Variants in TENM1 observed in about 807,000 individuals in gnomAD.
TENM1 encodes teneurin transmembrane protein 1.
A neutral mutation model predicts 174.8 loss-of-function variants in TENM1; 35 were observed. The ratio of observed to expected loss-of-function variants is 0.20; its 90% confidence interval spans 0.15 to 0.27. The LOEUF (loss-of-function observed/expected upper bound fraction) is 0.27. Among genes scored for constraint, TENM1 ranks in the 10% least tolerant of loss-of-function variants. TENM1 has a pLI of 1.00. For missense variants in TENM1, 1,633 were observed against 2,130.1 expected (o/e 0.77, Z 4.59); for synonymous variants, 781 against 798.7 (o/e 0.98, Z 0.37).
chrX:124,783,397 A>G (rs2054961152), intron 3 of TENM1, among the ~76,000 whole-genome samples: 2 of 112,043 alleles, frequency 1.8e-5, no homozygotes, highest in Admixed American at 9.5e-5. Context: ...TAGTTATTAT[A>G]TAAAAATTGC....
At chrX:125,046,338 C>A in the TENM1 span, among the ~76,000 whole-genome samples, 2 of 112,391 alleles carry the variant, frequency 1.8e-5, no homozygotes, top group Non-Finnish European at 3.8e-5. Context: ...CATGAGATAT[C>A]TTAGATGGCT....
At chrX:124,416,198 G>A (rs967686596) in intron 25 of TENM1, among the ~76,000 whole-genome samples, 7 of 111,198 alleles carry the variant, frequency 6.3e-5, no homozygotes, top group Non-Finnish European at 1.3e-4. Flanking sequence ...ACCACTTCTA[G>A]AACATTTCTA....
At chrX:124,470,712 T>C (rs1405167042) in intron 22 of TENM1, among the ~76,000 whole-genome samples, 1 of 111,108 alleles carries the variant, frequency 9.0e-6, no homozygotes, top group African/African-American at 3.3e-5. Context: ...TTTAGGTTTC[T>C]TCCTTGACTT....
intron 8 of TENM1, 64 bp downstream of exon 11, chrX:124,651,850 C>T (rs2051317279): frequency 6.8e-6 from 8 of 1,172,142 alleles, no homozygotes; most frequent in Non-Finnish European, 9.1e-6. Flanking sequence ...AGGACACTGT[C>T]ATCACTGATT....
intron 6 of TENM1, among the ~76,000 whole-genome samples, chrX:124,668,152 T>C (rs5958553): frequency 0.14 from 15,166 of 111,370 alleles, 2,216 homozygotes; most frequent in African/African-American, 0.44. Context: ...TTGTAGATTC[T>C]GGATATTAGC....
At chrX:124,490,493 T>A (rs944314566) in intron 20 of TENM1, among the ~76,000 whole-genome samples, 1 of 111,933 alleles carries the variant, frequency 8.9e-6, no homozygotes, top group African/African-American at 3.2e-5. Context: ...GCTATTCCAG[T>A]TCTACTCCAT....
At chrX:124,769,270 T>C (rs890589656) in intron 3 of TENM1, among the ~76,000 whole-genome samples, 2 of 111,826 alleles carry the variant, frequency 1.8e-5, no homozygotes, top group Non-Finnish European at 3.8e-5. Flanking sequence ...TATGCTTCTA[T>C]GGGGACTTTA....
At chrX:124,421,811 TA>T (rs2060657097) in intron 24 of TENM1, among the ~76,000 whole-genome samples, 1 of 111,654 alleles carries the variant, frequency 9.0e-6, no homozygotes, top group Admixed American at 9.5e-5. Context: ...CACATGCTTT[TA>T]ATCTGAAAAC....
intron 22 of TENM1, among the ~76,000 whole-genome samples, chrX:124,478,526 G>A (rs2046781246): frequency 8.9e-6 from 1 of 112,338 alleles, no homozygotes; most frequent in African/African-American, 3.2e-5. Context: ...TAAATTAGCT[G>A]TCGTACAGAT....
chrX:124,610,264 A>G (rs748333360), intron 11 of TENM1, among the ~76,000 whole-genome samples: 114 of 112,388 alleles, frequency 1.0e-3, no homozygotes, highest in African/African-American at 3.5e-3. Flanking sequence ...ATATTATCAG[A>G]TTCTGTTTAT....
chrX:124,570,853 A>G (rs990059041), intron 11 of TENM1, among the ~76,000 whole-genome samples: 1 of 111,661 alleles, frequency 9.0e-6, no homozygotes, highest in African/African-American at 3.2e-5. Flanking sequence ...TGTTATTAAG[A>G]CTGAGAAAAG....
chrX:125,000,287 G>A, the TENM1 span, among the ~76,000 whole-genome samples: 1 of 111,262 alleles, frequency 9.0e-6, no homozygotes, highest in African/African-American at 3.3e-5. Context: ...CAGGATTATG[G>A]TTTTAATAAT....
chrX:124,569,196 TCAAA>T (rs199921399), intron 11 of TENM1, among the ~76,000 whole-genome samples: 2 of 107,955 alleles, frequency 1.9e-5, no homozygotes, highest in Non-Finnish European at 3.8e-5. Flanking sequence ...AGGCCCTGTC[TCAAA>T]CAAACAAACA....
chrX:125,035,747 G>T, the TENM1 span, among the ~76,000 whole-genome samples: 9 of 111,303 alleles, frequency 8.1e-5, no homozygotes, highest in African/African-American at 2.3e-4. Flanking sequence ...TCTGAAAAGG[G>T]TCTGTTAAAT....
chrX:124,622,866 C>G (rs866324043), intron 11 of TENM1, among the ~76,000 whole-genome samples: 1 of 111,480 alleles, frequency 9.0e-6, no homozygotes, highest in Non-Finnish European at 1.9e-5. Flanking sequence ...TTTCCCAAAG[C>G]ACTTCACATT....
chrX:124,403,677 T>C (rs1184364321), intron 27 of TENM1, among the ~76,000 whole-genome samples: 5 of 111,435 alleles, frequency 4.5e-5, no homozygotes, highest in Non-Finnish European at 7.5e-5. Context: ...ATTTTTGATA[T>C]GAGTTCTACA....
intron 4 of TENM1, among the ~76,000 whole-genome samples, chrX:124,735,835 A>T (rs938561588): frequency 1.2e-4 from 13 of 112,094 alleles, no homozygotes; most frequent in African/African-American, 4.2e-4. Context: ...CAGTAACAGA[A>T]AATCAAATAC....
chrX:125,119,159 A>G, the TENM1 span, among the ~76,000 whole-genome samples: 5 of 112,128 alleles, frequency 4.5e-5, no homozygotes, highest in Non-Finnish European at 9.4e-5. Flanking sequence ...TTTCAATTTT[A>G]ATATGGAAGT....
chrX:124,599,483 G>A, intron 11 of TENM1, among the ~76,000 whole-genome samples: 1 of 111,201 alleles, frequency 9.0e-6, no homozygotes, highest in Non-Finnish European at 1.9e-5. Flanking sequence ...AATTTGTGAT[G>A]AGTGTGATGA....
Sources: allele counts gnomAD v4.1 joint callset (sites outside exome capture counted in the v4.1 genomes callset), GRCh38; gene constraint gnomAD v4.1.1; transcripts MANE v1.5; gene names NCBI Gene and HGNC (gene_info 2026-07-23, HGNC 2026-07-21).